The following CTNNA3 variants were observed in gnomAD, a reference collection of about 807,000 sequenced individuals.
CTNNA3 encodes catenin alpha 3.
Under a neutral mutation model 95.7 loss-of-function variants are expected in CTNNA3, and 76 were observed. The observed-to-expected ratio is 0.79, with a 90% CI of 0.66 to 0.96. The LOEUF (loss-of-function observed/expected upper bound fraction) is 0.96, where lower values mean the gene tolerates loss of function less well. CTNNA3 is among the 40% of genes least tolerant of loss of function. The pLI, the probability that CTNNA3 is intolerant of heterozygous loss-of-function variation, is 0.00. For missense variants in CTNNA3, 1,191 were observed against 1,089.8 expected (o/e 1.09, Z -1.31); for synonymous variants, 431 against 374.4 (o/e 1.15, Z -1.74).
chr10:66,224,154 T>C (rs1427301545), intron 13 of CTNNA3, among the ~76,000 whole-genome samples: 1 of 152,230 alleles, frequency 6.6e-6, no homozygotes, highest in East Asian at 1.9e-4. Context: ...TAGGATTTAC[T>C]CCATTGACTC....
intron 5 of CTNNA3, among the ~76,000 whole-genome samples, chr10:67,222,222 G>C (rs1381448993): frequency 6.6e-6 from 1 of 152,182 alleles, no homozygotes; most frequent in Non-Finnish European, 1.5e-5. Context: ...ACAAAATGTA[G>C]GGAGGACAGT....
At chr10:66,536,147 G>A (rs1264595209) in intron 10 of CTNNA3, among the ~76,000 whole-genome samples, 1 of 151,314 alleles carries the variant, frequency 6.6e-6, no homozygotes, top group Non-Finnish European at 1.5e-5. Flanking sequence ...GAGAGAGAGA[G>A]AGAGAGAGAG....
chr10:67,117,613 A>C (rs779828466), intron 7 of CTNNA3, among the ~76,000 whole-genome samples: 1 of 152,074 alleles, frequency 6.6e-6, no homozygotes, highest in Non-Finnish European at 1.5e-5. Context: ...TATTGTTTGA[A>C]ATTTTTTTAA....
intron 11 of CTNNA3, among the ~76,000 whole-genome samples, chr10:66,383,350 T>C (rs1198269440): frequency 3.3e-5 from 5 of 152,092 alleles, no homozygotes; most frequent in Non-Finnish European, 7.4e-5. Context: ...GTATCAGTGA[T>C]TGAAGATCAA....
chr10:66,161,025 G>T (rs1391792822), intron 13 of CTNNA3, among the ~76,000 whole-genome samples: 1 of 152,106 alleles, frequency 6.6e-6, no homozygotes, highest in East Asian at 1.9e-4. Context: ...ATGTCCATTT[G>T]CATGAAATGC....
intron 11 of CTNNA3, among the ~76,000 whole-genome samples, chr10:66,486,045 C>T (rs901859993): frequency 6.6e-6 from 1 of 152,168 alleles, no homozygotes; most frequent in African/African-American, 2.4e-5. Flanking sequence ...CCTTCTCTCA[C>T]ACCATATACA....
chr10:66,626,526 G>A (rs892592960), intron 9 of CTNNA3, among the ~76,000 whole-genome samples: 6 of 152,040 alleles, frequency 3.9e-5, no homozygotes, highest in African/African-American at 1.2e-4. Flanking sequence ...GTCTTCCAGG[G>A]CAGTCTAGTC....
At chr10:67,350,910 G>GTGTATA (rs146861544) in intron 5 of CTNNA3, among the ~76,000 whole-genome samples, 126 of 141,818 alleles carry the variant, frequency 8.9e-4, no homozygotes, top group Middle Eastern at 3.7e-3. Context: ...AAAAGTATGT[G>GTGTATA]TATATATATA....
chr10:67,066,985 G>A (rs902455319), intron 7 of CTNNA3, among the ~76,000 whole-genome samples: 1 of 152,096 alleles, frequency 6.6e-6, no homozygotes, highest in Non-Finnish European at 1.5e-5. Context: ...TTAACAGAGT[G>A]AAATTTATGT....
chr10:66,274,142 T>A (rs1380002236), intron 13 of CTNNA3, among the ~76,000 whole-genome samples: 1 of 152,202 alleles, frequency 6.6e-6, no homozygotes, highest in Non-Finnish European at 1.5e-5. Flanking sequence ...TTAAGCTTTG[T>A]GAGCCATTAT....
At position 66,263,522 on chromosome 10, in the gene CTNNA3, CT is replaced by C. The variant is rs1465867108; in HGVS notation, c.1884+16947del. ...AGTCATTGTCAGGGTATCAGAGTAT[CT>C]TTTGTTTTCCTTTATTATATTGTAA... On this transcript the variant is annotated intron_variant, in intron 13 of 17. Transcript: ENST00000433211. Among the ~76,000 whole-genome samples, 3 of 152,052 alleles carry C rather than the reference CT, an allele frequency of 2.0e-5. No homozygotes were observed. In the East Asian group the frequency reaches 5.8e-4, roughly 29 times the overall value.
At chr10:66,653,932 C>T (rs1412443442) in intron 9 of CTNNA3, among the ~76,000 whole-genome samples, 2 of 152,004 alleles carry the variant, frequency 1.3e-5, no homozygotes, top group African/African-American at 4.8e-5. Flanking sequence ...CCTTTTCACA[C>T]ACCATATGTA....
At chr10:67,242,665 T>C (rs1208522925) in intron 5 of CTNNA3, among the ~76,000 whole-genome samples, 1 of 152,220 alleles carries the variant, frequency 6.6e-6, no homozygotes, top group Non-Finnish European at 1.5e-5. Context: ...CACCATGCTG[T>C]GCATTCATGC....
chr10:66,467,483 G>A (rs1838964830), intron 11 of CTNNA3, among the ~76,000 whole-genome samples: 1 of 151,910 alleles, frequency 6.6e-6, no homozygotes, highest in Non-Finnish European at 1.5e-5. Flanking sequence ...ACTTGCCCAA[G>A]ACAAAAAATG....
intron 17 of CTNNA3, among the ~76,000 whole-genome samples, chr10:65,929,863 G>A (rs2077223878): frequency 1.3e-5 from 2 of 152,190 alleles, no homozygotes; most frequent in Non-Finnish European, 2.9e-5. Context: ...ACCGTGCCTG[G>A]CCAAAGCTAT....
chr10:66,064,734 T>C (rs544530645), intron 15 of CTNNA3, among the ~76,000 whole-genome samples: 1 of 152,290 alleles, frequency 6.6e-6, no homozygotes, highest in South Asian at 2.1e-4. Context: ...AGTATCAACA[T>C]TTAGGATCTA....
chr10:67,400,860 T>C (rs549491194), intron 5 of CTNNA3, among the ~76,000 whole-genome samples: 1 of 152,280 alleles, frequency 6.6e-6, no homozygotes, highest in South Asian at 2.1e-4. Flanking sequence ...AAAAGAATAT[T>C]AGAATTAAAT....
chr10:67,607,151 G>C, intron 2 of CTNNA3, 102 bp from the exon 3 acceptor site: 1 of 928,860 alleles, frequency 1.1e-6, no homozygotes. Context: ...GTTGACACTT[G>C]AGCAACTCAA....
intron 12 of CTNNA3, among the ~76,000 whole-genome samples, chr10:66,345,382 T>G (rs2092498514): frequency 6.6e-6 from 1 of 152,132 alleles, no homozygotes; most frequent in Non-Finnish European, 1.5e-5. Context: ...AATGCTCATT[T>G]CCATATTGAT....
Sources: allele counts gnomAD v4.1 joint callset (sites outside exome capture counted in the v4.1 genomes callset), GRCh38; gene constraint gnomAD v4.1.1; transcripts MANE v1.5; gene names NCBI Gene and HGNC (gene_info 2026-07-23, HGNC 2026-07-21).